Variants in DYRK1B observed in about 807,000 individuals in gnomAD.
The protein encoded by DYRK1B is dual specificity tyrosine-phosphorylation-regulated kinase 1B.
DYRK1B carries 20 observed loss-of-function variants against 57.1 expected under a neutral mutation model. That is an observed-to-expected ratio of 0.35 (90% confidence interval 0.25 to 0.51). The LOEUF is 0.51. DYRK1B is among the 20% of genes least tolerant of loss of function. The pLI is 0.96. For synonymous variants in DYRK1B, 409 were observed against 384.7 expected (o/e 1.06, Z -0.74); for missense variants, 732 against 886.3 (o/e 0.83, Z 2.21).
chr19:39,832,859 G>C, intron 1 of DYRK1B: 2 of 940,464 alleles, frequency 2.1e-6, no homozygotes, highest in Non-Finnish European at 2.5e-6. Context: ...CTCCTGATGG[G>C]AGAAGGAGGA....
In DYRK1B at chr19:39,828,582, T is replaced by C. The variant is rs1255011688; in HGVS notation, c.522A>G (p.Val174=). ...GGAACATGAAGTGCCGCTTCAGGTG[T>C]ACTGCGGGGGAGGGGAGGAAATGGG... ...QHDTEMKYYI[V]HLKRHFMFRN... is the part of the protein sequence containing the mutation. The change falls in exon 6 of 11, where the codon GTA becomes GTG. Residue 174 remains valine, a splice_region_variant and synonymous_variant. Coordinates refer to ENST00000323039, the MANE Select transcript of DYRK1B (RefSeq NM_004714.3). The surrounding 1 kb of genome is among the most constrained non-coding windows in gnomAD (Gnocchi z 4.3). 1 of 1,605,574 alleles carries C rather than the reference T, an allele frequency of 6.2e-7. No individual in the cohort carries two copies.
chr19:39,827,175 G>A, intron 8 of DYRK1B, 110 bp downstream of exon 8: 2 of 1,393,156 alleles, frequency 1.4e-6, no homozygotes, highest in South Asian at 1.4e-5. Flanking sequence ...ACAGACAAGG[G>A]GGAGTGGAAG....
In DYRK1B at chr19:39,827,429, T is replaced by C. The variant is rs777978361; in HGVS notation, c.955-4A>G. On this transcript the variant is annotated splice_polypyrimidine_tract_variant and splice_region_variant and intron_variant, in intron 7 of 10. Coordinates refer to ENST00000323039, the MANE Select transcript of DYRK1B (RefSeq NM_004714.3). The stretch of plus-strand genomic sequence containing the variant: ...CAATGCGGTTCATCTGGTCGACCTG[T>C]GAGCAGGCAGGGGTCAAGGTCATCA... 1.2e-6 allele frequency: 2 copies of C among 1,611,320 alleles called. No individual in the cohort carries two copies. Among genetic ancestry groups the C allele is most frequent in the Non-Finnish European group, 1.7e-6 (2 of 1,177,798 alleles).
chr19:39,826,527 G>A lies in DYRK1B; in HGVS notation c.1411+145C>T. 6 of 1,023,158 alleles carry A rather than the reference G, an allele frequency of 5.9e-6. No homozygotes were observed. The South Asian group carries it at 8.9e-5, about 15-fold the overall frequency. 63.4% of individuals were successfully genotyped at this position (1,023,158 alleles called of 1,614,324 possible). On this transcript the variant is annotated intron_variant, in intron 9 of 10. Coordinates refer to ENST00000323039, the MANE Select transcript of DYRK1B (RefSeq NM_004714.3). The surrounding 1 kb of genome is among the most constrained non-coding windows in gnomAD (Gnocchi z 6.3). ...TCAGTGATTGTGTCAGGGCCAGTTGGAGCTCTCCCATCCCACACGTCATCT... is the reference window on the plus strand; with the variant it reads ...TCAGTGATTGTGTCAGGGCCAGTTGAAGCTCTCCCATCCCACACGTCATCT...
At position 39,829,906 on chromosome 19, in the gene DYRK1B, T is replaced by C. The variant is rs770360485; in HGVS notation, c.494A>G (p.His165Arg). 5.0e-6 allele frequency: 8 copies of C among 1,614,008 alleles called. No individual in the cohort carries two copies. In the South Asian group the frequency reaches 7.7e-5, roughly 16 times the overall value. The change falls in exon 5 of 11, where the codon CAT becomes CGT. Residue 165 changes from histidine (H) to arginine (R), a missense_variant. His to Arg is a conservative substitution (Grantham distance 29). This residue lies in a region of DYRK1B where 510 missense variants were observed against 681.3 expected (regional missense o/e 0.75). Coordinates refer to ENST00000323039, the MANE Select transcript of DYRK1B (RefSeq NM_004714.3). ...ELRLLELMNQ[H>R]DTEMKYYIVH... ...TATATAGTACTTCATCTCCGTGTCA[T>C]GCTGGTTCATCAGCTCCAGCAGCCG...
At position 39,828,587 on chromosome 19, in the gene DYRK1B, C is replaced by T. The variant is rs56077108; in HGVS notation, c.521-4G>A. 0.065 allele frequency: 103,925 copies of T among 1,601,028 alleles called. 3,952 individuals are homozygous for T. The highest frequency in any genetic ancestry group is 0.087 in the Middle Eastern group (522 of 6,026). ...ATGAAGTGCCGCTTCAGGTGTACTGCGGGGGAGGGGAGGAAATGGGCCAGA... is the reference window on the plus strand; with the variant it reads ...ATGAAGTGCCGCTTCAGGTGTACTGTGGGGGAGGGGAGGAAATGGGCCAGA... On this transcript the variant is annotated splice_region_variant and splice_polypyrimidine_tract_variant and intron_variant, in intron 5 of 10. Transcript: ENST00000323039. The surrounding 1 kb of genome is among the most constrained non-coding windows in gnomAD (Gnocchi z 4.3).
rs1322207190 is a variant in DYRK1B, at chr19:39,830,025, C to G, written c.375G>C (p.Val125=). ...SLIGKGSFGQ[V]VKAYDHQTQE... ...GGGTCTGATGATCATAGGCTTTCAC[C>G]ACCTGTTGGGGCAGGGCATGTCACG... The change falls in exon 5 of 11, where the codon GTG becomes GTC. Residue 125 remains valine (V), a splice_region_variant and synonymous_variant. Coordinates refer to ENST00000323039, the MANE Select transcript of DYRK1B (RefSeq NM_004714.3). The G allele has an allele frequency of 2.5e-6, 4 of 1,613,788 alleles. No individual in the cohort carries two copies. Among genetic ancestry groups the G allele is most frequent in the Non-Finnish European group, 1.7e-6 (2 of 1,179,952 alleles).
chr19:39,827,249 C>T (rs374376022), intron 8 of DYRK1B, 36 bp downstream of exon 8: 39 of 1,560,804 alleles, frequency 2.5e-5, no homozygotes, highest in Admixed American at 3.6e-5. Flanking sequence ...TGAGGGGCCA[C>T]GGGGTGGGAG....
chr19:39,827,014 G>GGGGGGGGGGGGGGGGGGGGGGCC, intron 8 of DYRK1B, 27 bp from the exon 9 acceptor site: 5 of 419,562 alleles, frequency 1.2e-5, no homozygotes, highest in African/African-American at 2.2e-5. Flanking sequence ...GGGAGGGGGG[G>GGGGGGGGGGGGGGGGGGGGGGCC]CAAGAGAGTG....
At chr19:39,827,457 C>T in intron 7 of DYRK1B, 32 bp from the exon 8 acceptor site, 2 of 1,609,302 alleles carry the variant, frequency 1.2e-6, no homozygotes, top group Non-Finnish European at 1.7e-6. Flanking sequence ...GGTCATCAGG[C>T]CAGCCAGGCT....
At chr19:39,830,607 C>T (rs776820071) in intron 3 of DYRK1B, 44 bp from the exon 4 acceptor site, 2 of 1,613,424 alleles carry the variant, frequency 1.2e-6, no homozygotes, top group Non-Finnish European at 1.7e-6. Context: ...GTGAGTGACT[C>T]ATGCCAGCAG....
chr19:39,827,523 C>A lies in DYRK1B; in HGVS notation c.941G>T (p.Ser314Ile). Reference sequence around the variant, plus strand: ...CTGGGGGCACACCTCATTGGAGCCACTGAAGAGGGGCTCTCCGGTGTGCAT... The same window carrying A: ...CTGGGGGCACACCTCATTGGAGCCAATGAAGAGGGGCTCTCCGGTGTGCAT... The part of the protein sequence containing the change: ...VEMHTGEPLF[S>I]GSNEVDQMNR... The change falls in exon 7 of 11, where the codon AGT (serine) becomes ATT (isoleucine). Residue 314 changes from serine to isoleucine, a missense_variant. By Grantham distance (142) the Ser-to-Ile change is moderately radical. Around this residue, in one of 2 missense-constraint regions of DYRK1B, gnomAD observed 510 missense variants for 681.3 expected, o/e 0.75. Transcript: ENST00000323039. The A allele has an allele frequency of 6.2e-7, 1 of 1,613,970 alleles. No homozygotes were observed. Among genetic ancestry groups the A allele is most frequent in the Non-Finnish European group, 8.5e-7 (1 of 1,179,918 alleles).
Position 39,830,749 on chromosome 19 carries a change from A to G in DYRK1B, c.98T>C (p.Leu33Pro), listed in dbSNP as rs1344238696. Residue 33 changes from leucine to proline, a missense_variant, in exon 3 of 11, where the codon CTG (leucine) becomes CCG (proline). Coordinates refer to ENST00000323039, the MANE Select transcript of DYRK1B (RefSeq NM_004714.3). ...GGTTGCATCCCGGAAGGCCAGGGGC[A>G]GCCTCCGAGGCAGTAGCCGCACATC... ...LPDVRLLPRR[L>P]PLAFRDATSA... 3 of 1,614,036 alleles carry G rather than the reference A, an allele frequency of 1.9e-6. No homozygotes were observed. The highest frequency in any genetic ancestry group is 1.3e-5 in the African/African-American group (1 of 75,044).
chr19:39,832,902 C>A (rs1237912313), intron 1 of DYRK1B: 2 of 984,782 alleles, frequency 2.0e-6, no homozygotes, highest in East Asian at 2.3e-4. Flanking sequence ...AGTGATCATC[C>A]TTTTCTCCCC....
rs1325567090 is a variant in DYRK1B at position 39,829,241 on chromosome 19, T to C, written c.520+639A>G. On this transcript the variant is annotated intron_variant, in intron 5 of 10. Transcript: ENST00000323039. ...TTTTTGTTTGTTTTGGGTTTTTTTT[T>C]TTTTGAGATGGAGTCTCGCTCTGTC... Among the ~76,000 whole-genome samples, 4 of 151,784 alleles carry C rather than the reference T, an allele frequency of 2.6e-5. No homozygotes were observed. The East Asian group carries it at 7.7e-4, about 29-fold the overall frequency.
At position 39,826,854 on chromosome 19, in the gene DYRK1B, C is replaced by CG. The variant is rs1968565134; in HGVS notation, c.1228dup (p.Arg410ProfsTer6). 1 of 1,460,036 alleles carries CG rather than the reference C, an allele frequency of 6.8e-7. No homozygotes were observed. Among genetic ancestry groups the CG allele is most frequent in the Non-Finnish European group, 9.0e-7 (1 of 1,109,810 alleles). 90.4% of individuals were successfully genotyped at this position (1,460,036 alleles called of 1,614,324 possible). ...GGCGGCGGGCTCATACTCCAGCATG[C>CG]GCAGCACCAGGTCCTGGAAGCGGAG... is the stretch of plus-strand genomic sequence containing the variant. On this transcript the variant is annotated frameshift_variant, in exon 9 of 11. Coordinates refer to ENST00000323039, the MANE Select transcript of DYRK1B (RefSeq NM_004714.3). LOFTEE classifies it high-confidence loss of function. This position sits in a 1 kb window ranked among gnomAD's most constrained non-coding sequence, Gnocchi z 6.3.
In DYRK1B at chr19:39,828,144, G is replaced by A. The variant is rs569176783; in HGVS notation, c.807+153C>T. On this transcript the variant is annotated intron_variant, in intron 6 of 10. Transcript: ENST00000323039. The surrounding 1 kb of genome is among the most constrained non-coding windows in gnomAD (Gnocchi z 4.3). ...AGGCTTCACCCTTCCCATCCTAGTG[G>A]GCAGTATATTCACACCCCCACCCCA... Among the ~76,000 whole-genome samples, 22 of 152,100 alleles carry A rather than the reference G, an allele frequency of 1.4e-4. No homozygotes were observed. In the South Asian group the frequency reaches 4.6e-3, roughly 32 times the overall value.
Position 39,825,666 on chromosome 19 carries a change from A to C in DYRK1B, c.*49T>G, listed in dbSNP as rs762392462. 2 of 1,523,760 alleles carry C rather than the reference A, an allele frequency of 1.3e-6. No individual in the cohort carries two copies. Among genetic ancestry groups the C allele is most frequent in the Non-Finnish European group, 1.8e-6 (2 of 1,133,418 alleles). 94.4% of individuals were successfully genotyped at this position (1,523,760 alleles called of 1,614,324 possible). On this transcript the variant is annotated 3_prime_UTR_variant, in exon 11 of 11. Coordinates refer to ENST00000323039, the MANE Select transcript of DYRK1B (RefSeq NM_004714.3). ...ATGAGGATGGGAGCCCAGGGCCCCC[A>C]GATGGGGGAGGGTATGGCTTCAGGA...
chr19:39,826,125 G>A lies in DYRK1B; in HGVS notation c.1519-39C>T. On this transcript the variant is annotated intron_variant, in intron 10 of 10. Coordinates refer to ENST00000323039, the MANE Select transcript of DYRK1B (RefSeq NM_004714.3). The surrounding 1 kb of genome is among the most constrained non-coding windows in gnomAD (Gnocchi z 6.3). ...GGAGCCATGGGTGATGGAGACCCTG[G>A]TCTCTAAGCCCCAGGCACCACCACC... The A allele has an allele frequency of 1.3e-6, 2 of 1,556,768 alleles. No homozygotes were observed. The highest frequency in any genetic ancestry group is 8.6e-7 in the Non-Finnish European group (1 of 1,157,960).
Sources: allele counts gnomAD v4.1 joint callset (sites outside exome capture counted in the v4.1 genomes callset), GRCh38; gene constraint gnomAD v4.1.1; regional missense constraint gnomAD v4.1.1; non-coding constraint Gnocchi (gnomAD v3.1); transcripts MANE v1.5; gene names NCBI Gene and HGNC (gene_info 2026-07-23, HGNC 2026-07-21).